Variants in NRN1L observed in about 807,000 individuals in gnomAD.
The protein encoded by NRN1L is neuritin-like protein.
NRN1L carries 12 observed loss-of-function variants against 8.8 expected under a neutral mutation model. The observed-to-expected ratio is 1.36, with a 90% CI of 0.87 to 2.20. NRN1L has a LOEUF of 2.20. NRN1L is among the 30% of genes most tolerant of loss of function. The pLI is 0.00. For synonymous variants in NRN1L, 114 were observed against 99.2 expected (o/e 1.15, Z -0.88); for missense variants, 266 against 232.4 (o/e 1.14, Z -0.94).
In NRN1L at chr16:67,886,281, G is replaced by A. The variant is rs373857177; in HGVS notation, c.*22G>A. 382 of 1,558,878 alleles carry A rather than the reference G, an allele frequency of 2.5e-4. No homozygotes were observed. Among genetic ancestry groups the A allele is most frequent in the Middle Eastern group, 4.2e-4 (2 of 4,728 alleles). ...CTAGCTTGTTGGGTTGGGTAGCAGC[G>A]CCCGTACCTCCAGCCCTGCTCTGGC... On this transcript the variant is annotated 3_prime_UTR_variant, in exon 3 of 3. Coordinates refer to ENST00000339176, the MANE Select transcript of NRN1L (RefSeq NM_198443.2).
chr16:67,886,333 C>A lies in NRN1L; in HGVS notation c.*74C>A. On this transcript the variant is annotated 3_prime_UTR_variant, in exon 3 of 3. Coordinates refer to ENST00000339176, the MANE Select transcript of NRN1L (RefSeq NM_198443.2). ...GTGGTTGTCCAGGCTCTGCAGAGCG[C>A]AGCAGGGCTTTTCATTAAAGGTATT... 1 of 1,275,116 alleles carries A rather than the reference C, an allele frequency of 7.8e-7. No homozygotes were observed. The highest frequency in any genetic ancestry group is 1.1e-6 in the Non-Finnish European group (1 of 945,918). The allele number at this position is 1,275,116 out of a possible 1,614,324, so 79.0% of individuals were successfully genotyped here.
rs1029198887 is a variant in NRN1L, at chr16:67,885,002, G to A, written c.79+20G>A. 3 of 1,598,660 alleles carry A rather than the reference G, an allele frequency of 1.9e-6. No homozygotes were observed. The highest frequency in any genetic ancestry group is 2.6e-6 in the Non-Finnish European group (3 of 1,173,934). On this transcript the variant is annotated intron_variant, in intron 1 of 2. Transcript: ENST00000339176. The stretch of plus-strand genomic sequence containing the variant: ...CCCTCGGTGAGTGCGGGCATCCGGG[G>A]CCCGGGCCACACCCCCTTCTCGCCC...
At chr16:67,885,149 C>T in intron 1 of NRN1L, 167 bp downstream of exon 1, 1 of 621,990 alleles carries the variant, frequency 1.6e-6, no homozygotes, top group East Asian at 2.7e-5. Context: ...GCACAAACAG[C>T]CCCAGTTATG....
intron 2 of NRN1L, 59 bp from the exon 3 acceptor site, chr16:67,885,915 T>C (rs1013193053): frequency 3.8e-6 from 6 of 1,585,926 alleles, no homozygotes; most frequent in Non-Finnish European, 5.2e-6. Context: ...GAACCTTTTA[T>C]TTCCCAAGCT....
In NRN1L at chr16:67,886,095, C is replaced by T. The variant is rs2034841377; in HGVS notation, c.334C>T (p.His112Tyr). 1 of 1,613,370 alleles carries T rather than the reference C, an allele frequency of 6.2e-7. No homozygotes were observed. The highest frequency in any genetic ancestry group is 8.5e-7 in the Non-Finnish European group (1 of 1,179,798). Residue 112 changes from histidine (H) to tyrosine (Y), a missense_variant, in exon 3 of 3, where the codon CAC (histidine) becomes TAC (tyrosine). Coordinates refer to ENST00000339176, the MANE Select transcript of NRN1L (RefSeq NM_198443.2). Reference protein sequence around the residue: ...ARQAPRPNNLHTLCGAPVHVR... With the variant: ...ARQAPRPNNLYTLCGAPVHVR... ...CCAGGCCCCCCGTCCGAATAACTTG[C>T]ACACTCTGTGCGGTGCCCCGGTGCA...
intron 1 of NRN1L, 59 bp downstream of exon 1, chr16:67,885,041 T>G: frequency 1.4e-6 from 2 of 1,463,962 alleles, no homozygotes; most frequent in South Asian, 2.3e-5. Flanking sequence ...CAAGCCAGGC[T>G]GGGCATAGGG....
chr16:67,885,599 C>T lies in NRN1L; in HGVS notation c.80-123C>T. ...TTGCCCTTTAGTTCCCTGGGGCACCCTTTTTCCGCTGAGTCACATCCCCAG... is the reference window on the plus strand; with the variant it reads ...TTGCCCTTTAGTTCCCTGGGGCACCTTTTTTCCGCTGAGTCACATCCCCAG... On this transcript the variant is annotated intron_variant, in intron 1 of 2. Coordinates refer to ENST00000339176, the MANE Select transcript of NRN1L (RefSeq NM_198443.2). 6 of 740,582 alleles carry T rather than the reference C, an allele frequency of 8.1e-6. No individual in the cohort carries two copies. The South Asian group carries it at 1.2e-4, about 14-fold the overall frequency. 45.9% of individuals were successfully genotyped at this position (740,582 alleles called of 1,614,324 possible). A position where few individuals can be genotyped will look rare whatever the true frequency, so the allele number is the denominator to read the frequency against.
chr16:67,886,020 T>C lies in NRN1L; in HGVS notation c.259T>C (p.Cys87Arg), dbSNP rs2058094667. ...CTGTGCCTCTCAGGTCCTGTCAGGC[T>C]GTCCGGAGGAGGCAGCTGCAGTGTG... ...HACASQVLSGCPEEAAAVWES... is the reference protein window; with the variant it reads ...HACASQVLSGRPEEAAAVWES... The change falls in exon 3 of 3, where the codon TGT (cysteine) becomes CGT (arginine). Residue 87 changes from cysteine (C) to arginine (R), a missense_variant. Physicochemically the swap from Cys to Arg is radical, Grantham distance 180. Coordinates refer to ENST00000339176, the MANE Select transcript of NRN1L (RefSeq NM_198443.2). 5.0e-6 allele frequency: 8 copies of C among 1,614,174 alleles called. No homozygotes were observed. The highest frequency in any genetic ancestry group is 6.8e-6 in the Non-Finnish European group (8 of 1,180,008).
Position 67,885,753 on chromosome 16 carries a change from G to T in NRN1L, c.111G>T (p.Ala37=). ...TACCTCCCCTGGCAGCAGCTGCAGC[G>T]GGCCCAAACCGATGTGACACCATAT... The part of the protein sequence containing the change: ...VLLPPLAAAA[A]GPNRCDTIYQ... Residue 37 remains alanine, a synonymous_variant, in exon 2 of 3, where the codon GCG becomes GCT. Coordinates refer to ENST00000339176, the MANE Select transcript of NRN1L (RefSeq NM_198443.2). The T allele has an allele frequency of 6.7e-7, 1 of 1,487,538 alleles. No homozygotes were observed. Among genetic ancestry groups the T allele is most frequent in the Non-Finnish European group, 9.1e-7 (1 of 1,101,272 alleles). The allele number at this position is 1,487,538 out of a possible 1,614,324, so 92.1% of individuals were successfully genotyped here.
rs764896444 is a variant in NRN1L, at chr16:67,885,000, G to C, written c.79+18G>C. 6.3e-7 allele frequency: 1 copy of C among 1,598,920 alleles called. No homozygotes were observed. Among genetic ancestry groups the C allele is most frequent in the Non-Finnish European group, 8.5e-7 (1 of 1,173,924 alleles). On this transcript the variant is annotated intron_variant, in intron 1 of 2. Coordinates refer to ENST00000339176, the MANE Select transcript of NRN1L (RefSeq NM_198443.2). This position sits in a 1 kb window ranked among gnomAD's most constrained non-coding sequence, Gnocchi z 4.1. ...GCCCCTCGGTGAGTGCGGGCATCCG[G>C]GGCCCGGGCCACACCCCCTTCTCGC... is the stretch of plus-strand genomic sequence containing the variant.
In NRN1L at chr16:67,886,173, A is replaced by G; in HGVS notation, c.412A>G (p.Thr138Ala). 6.2e-7 allele frequency: 1 copy of G among 1,606,282 alleles called. No homozygotes were observed. The highest frequency in any genetic ancestry group is 8.5e-7 in the Non-Finnish European group (1 of 1,179,466). ...AACCAACCAGGAGACGCTGCGGGCTACAGCGCCTGCACTCCCCATGGCCCC... is the reference window on the plus strand; with the variant it reads ...AACCAACCAGGAGACGCTGCGGGCTGCAGCGCCTGCACTCCCCATGGCCCC... ...SETNQETLRA[T>A]APALPMAPAP... The change falls in exon 3 of 3, where the codon ACA (threonine) becomes GCA (alanine). Residue 138 changes from threonine to alanine, a missense_variant. Transcript: ENST00000339176.
chr16:67,887,578 T>C (rs1286688046), downstream of NRN1L, among the ~76,000 whole-genome samples: 1 of 151,210 alleles, frequency 6.6e-6, no homozygotes, highest in Non-Finnish European at 1.5e-5. Flanking sequence ...CCTTATTCTT[T>C]ACTTTCTTTT....
chr16:67,886,232 G>A lies in NRN1L; in HGVS notation c.471G>A (p.Leu157=), dbSNP rs1205046133. 1.9e-6 allele frequency: 3 copies of A among 1,597,738 alleles called. No individual in the cohort carries two copies. The highest frequency in any genetic ancestry group is 1.7e-6 in the Non-Finnish European group (2 of 1,178,192). Residue 157 remains leucine (L), a synonymous_variant, in exon 3 of 3, where the codon CTG becomes CTA. Coordinates refer to ENST00000339176, the MANE Select transcript of NRN1L (RefSeq NM_198443.2). The part of the protein sequence containing the change: ...APPLLAAALA[L]AYLLRPLA ...CACTGCTGGCGGCTGCTCTGGCTCT[G>A]GCCTACCTCCTGAGGCCTCTGGCCT...
At chr16:67,887,584 C>CT (rs754203845), downstream of NRN1L, among the ~76,000 whole-genome samples, 2,638 of 138,630 alleles carry the variant, frequency 0.019, 54 homozygotes, top group African/African-American at 0.024. Context: ...TCTTTACTTT[C>CT]TTTTTTTTTT....
chr16:67,885,810 G>C lies in NRN1L; in HGVS notation c.168G>C (p.Leu56Phe), dbSNP rs2058093576. The C allele has an allele frequency of 1.3e-6, 2 of 1,587,136 alleles. No homozygotes were observed. Among genetic ancestry groups the C allele is most frequent in the Admixed American group, 3.6e-5 (2 of 54,966 alleles). The change falls in exon 2 of 3, where the codon TTG (leucine) becomes TTC (phenylalanine). Residue 56 changes from leucine (L) to phenylalanine (F), a missense_variant. Transcript: ENST00000339176. Reference protein sequence around the residue: ...YQGFAECLIRLGDSMGRGGEL... With the variant: ...YQGFAECLIRFGDSMGRGGEL... ...GCTTCGCCGAGTGTCTCATCCGCTT[G>C]GGGGACAGCATGGGCCGCGGAGGCG...
chr16:67,887,800 T>C (rs1471617963), downstream of NRN1L, among the ~76,000 whole-genome samples: 1 of 152,142 alleles, frequency 6.6e-6, no homozygotes, highest in Non-Finnish European at 1.5e-5. Context: ...GCAAGGATGG[T>C]CTCGATCTCC....
chr16:67,885,701 C>CCCCCCCCCCCCCCCT, intron 1 of NRN1L, 21 bp from the exon 2 acceptor site: 1 of 1,151,750 alleles, frequency 8.7e-7, no homozygotes, highest in Non-Finnish European at 1.2e-6. Flanking sequence ...CTTCCCCACC[C>CCCCCCCCCCCCCCCT]CACCCCCGCC....
Position 67,885,826 on chromosome 16 carries a change from C to G in NRN1L, c.184C>G (p.Arg62Gly). 6.3e-7 allele frequency: 1 copy of G among 1,578,316 alleles called. No homozygotes were observed. The highest frequency in any genetic ancestry group is 8.6e-7 in the Non-Finnish European group (1 of 1,163,484). The change falls in exon 2 of 3, where the codon CGC becomes GGC. Residue 62 changes from arginine to glycine, a missense_variant. Coordinates refer to ENST00000339176, the MANE Select transcript of NRN1L (RefSeq NM_198443.2). ...CATCCGCTTGGGGGACAGCATGGGCCGCGGAGGCGAGCTGGAGACCATCTG... is the reference window on the plus strand; with the variant it reads ...CATCCGCTTGGGGGACAGCATGGGCGGCGGAGGCGAGCTGGAGACCATCTG... ...CLIRLGDSMG[R>G]GGELETICRS...
chr16:67,888,333 G>C (rs2058102416), downstream of NRN1L, among the ~76,000 whole-genome samples: 1 of 152,132 alleles, frequency 6.6e-6, no homozygotes, highest in African/African-American at 2.4e-5. Flanking sequence ...GGATGGTGCT[G>C]GGGCTGTATA....
Sources: allele counts gnomAD v4.1 joint callset (sites outside exome capture counted in the v4.1 genomes callset), GRCh38; gene constraint gnomAD v4.1.1; non-coding constraint Gnocchi (gnomAD v3.1); transcripts MANE v1.5; gene names NCBI Gene and HGNC (gene_info 2026-07-23, HGNC 2026-07-21).